TBC1D8B: variants seen among roughly 807,000 people sequenced by gnomAD.
The protein encoded by TBC1D8B is TBC1 domain family member 8B, also known as RP11-321G1.1.
Under a neutral mutation model 82.9 loss-of-function variants are expected in TBC1D8B, and 75 were observed. That is an observed-to-expected ratio of 0.90 (90% CI 0.75 to 1.10). TBC1D8B has a LOEUF of 1.10. Ranked by LOEUF, TBC1D8B falls within the 50% of genes least tolerant of loss-of-function variation. The pLI, the probability that TBC1D8B is intolerant of heterozygous loss-of-function variation, is 0.00. For synonymous variants in TBC1D8B, 276 were observed against 276.8 expected (o/e 1.00, Z 0.03); for missense variants, 794 against 796.9 (o/e 1.00, Z 0.04).
At chrX:106,828,540 C>T (rs1931925775) in intron 7 of TBC1D8B, 1 of 110,410 alleles carries the variant, frequency 9.1e-6, no homozygotes, top group Non-Finnish European at 1.9e-5. Flanking sequence ...CAAAAATCCT[C>T]AATAAAATAC....
intron 11 of TBC1D8B, 21 bp from the exon 12 acceptor site, chrX:106,850,004 A>AAATTTTTTTTTTT: frequency 8.7e-7 from 1 of 1,151,975 alleles, no homozygotes; most frequent in African/African-American, 1.8e-5. Context: ...TTATTTTTAA[A>AAATTTTTTTTTTT]CTTCTTTTGA....
Position 106,826,101 on chromosome X carries a change from A to G in TBC1D8B, c.899A>G (p.Lys300Arg), listed in dbSNP as rs1372389865. 8.3e-7 allele frequency: 1 copy of G among 1,211,041 alleles called. No individual in the cohort carries two copies. Among genetic ancestry groups the G allele is most frequent in the East Asian group, 3.0e-5 (1 of 33,772 alleles). The change falls in exon 6 of 21, where the codon AAA becomes AGA. Residue 300 changes from lysine to arginine, a missense_variant. Physicochemically the swap from Lys to Arg is conservative, Grantham distance 26. Coordinates refer to ENST00000357242, the MANE Select transcript of TBC1D8B (RefSeq NM_017752.3). ...AGGCTGCCCAAAGGAGAGAGTTTGAAAGAAGTACATGAATGTTTCTTATGG... is the reference window on the plus strand; with the variant it reads ...AGGCTGCCCAAAGGAGAGAGTTTGAGAGAAGTACATGAATGTTTCTTATGG... ...FFRLPKGESL[K>R]EVHECFLWVP...
chrX:106,866,659 TTTAA>T (rs1932817036), intron 16 of TBC1D8B, 134 bp from the exon 17 acceptor site: 4 of 403,526 alleles, frequency 9.9e-6, no homozygotes, highest in Non-Finnish European at 1.7e-5. Flanking sequence ...TAGGTGGTTG[TTTAA>T]TTGTTAGCTT....
chrX:106,849,837 G>T, intron 11 of TBC1D8B, 188 bp from the exon 12 acceptor site: 1 of 1,027,286 alleles, frequency 9.7e-7, no homozygotes. Flanking sequence ...AAATGAATTT[G>T]AATTGTGTTT....
chrX:106,854,920 A>G lies in TBC1D8B; in HGVS notation c.2352+624A>G, dbSNP rs188114100. On this transcript the variant is annotated intron_variant, in intron 14 of 20. Coordinates refer to ENST00000357242, the MANE Select transcript of TBC1D8B (RefSeq NM_017752.3). ...GATCTACATAGTAGTCAGTGCTCCA[A>G]TGAATATTATTATCCTTGGATACCT... is the stretch of plus-strand genomic sequence containing the variant. Among the ~76,000 whole-genome samples the G allele has an allele frequency of 9.9e-4, 111 of 112,247 alleles. 2 individuals carry two copies. Among genetic ancestry groups the G allele is most frequent in the African/African-American group, 3.3e-3 (103 of 30,932 alleles).
In TBC1D8B at chrX:106,827,166, C is replaced by A; in HGVS notation, c.1036-4C>A. On this transcript the variant is annotated splice_polypyrimidine_tract_variant and splice_region_variant and intron_variant, in intron 6 of 20. Transcript: ENST00000357242. The stretch of plus-strand genomic sequence containing the variant: ...AATTGACCTCTATGTTTTTCACCCC[C>A]TAGGTCTTAGCTATAGATAAGACAA... The A allele has an allele frequency of 8.3e-7, 1 of 1,208,068 alleles. No homozygotes were observed. The highest frequency in any genetic ancestry group is 1.1e-6 in the Non-Finnish European group (1 of 893,531).
In TBC1D8B at chrX:106,818,859, C is replaced by T. The variant is rs770587816; in HGVS notation, c.241+86C>T. The T allele has an allele frequency of 1.1e-5, 8 of 711,459 alleles. No homozygotes were observed. In the Admixed American group the frequency reaches 2.8e-4, roughly 25 times the overall value. 58.6% of individuals were successfully genotyped at this position (711,459 alleles called of 1,213,427 possible). On this transcript the variant is annotated intron_variant, in intron 2 of 20. Transcript: ENST00000357242. ...CATATTTATTTATAGTCTGTAGTTGCTTTGAGATTTAAAAACAAATTAAAT... is the reference window on the plus strand; with the variant it reads ...CATATTTATTTATAGTCTGTAGTTGTTTTGAGATTTAAAAACAAATTAAAT...
rs1932649117 is a variant in TBC1D8B, at chrX:106,854,179, G to T, written c.2254-19G>T. On this transcript the variant is annotated intron_variant, in intron 13 of 20. Coordinates refer to ENST00000357242, the MANE Select transcript of TBC1D8B (RefSeq NM_017752.3). ...TGTTTATTATGAGTGAGTAGCCACT[G>T]AAATCATATCTCTTGCAGAAATATG... The T allele has an allele frequency of 9.2e-7, 1 of 1,084,027 alleles. No individual in the cohort carries two copies. Among genetic ancestry groups the T allele is most frequent in the East Asian group, 3.2e-5 (1 of 30,981 alleles). 89.3% of individuals were successfully genotyped at this position (1,084,027 alleles called of 1,213,427 possible). A position where few individuals can be genotyped will look rare whatever the true frequency, so the allele number is the denominator to read the frequency against.
At chrX:106,870,588 T>C (rs1013229624) in intron 19 of TBC1D8B, 128 bp from the exon 20 acceptor site, 2 of 441,098 alleles carry the variant, frequency 4.5e-6, no homozygotes, top group South Asian at 3.8e-5. Flanking sequence ...TTTCAGATCA[T>C]TTCCTGGATT....
chrX:106,869,444 G>T, intron 18 of TBC1D8B, 41 bp from the exon 19 acceptor site: 2 of 1,138,422 alleles, frequency 1.8e-6, no homozygotes. Flanking sequence ...AAGAGTATTT[G>T]TTAAACATCT....
intron 3 of TBC1D8B, among the ~76,000 whole-genome samples, chrX:106,821,543 T>G (rs1931691797): frequency 9.0e-6 from 1 of 111,573 alleles, no homozygotes. Flanking sequence ...TATGTACCTG[T>G]ATAGATATAT....
rs748662730 is a variant in TBC1D8B, at chrX:106,833,026, A to G, written c.1203+5689A>G. Among the ~76,000 whole-genome samples, 3 of 111,560 alleles carry G rather than the reference A, an allele frequency of 2.7e-5. No individual in the cohort carries two copies. In the East Asian group the frequency reaches 8.4e-4, roughly 31 times the overall value. The stretch of plus-strand genomic sequence containing the variant: ...TGGACTATGAACAGGATCCTATTTA[A>G]GATAAGCTTCTGATATTTGAGAAAA... On this transcript the variant is annotated intron_variant, in intron 7 of 20. Coordinates refer to ENST00000357242, the MANE Select transcript of TBC1D8B (RefSeq NM_017752.3).
In TBC1D8B at chrX:106,834,895, C is replaced by G. The variant is rs370589653; in HGVS notation, c.1204-4413C>G. On this transcript the variant is annotated intron_variant, in intron 7 of 20. Coordinates refer to ENST00000357242, the MANE Select transcript of TBC1D8B (RefSeq NM_017752.3). ...CTGTAGCTTTGCAGGGTACAGCCCC[C>G]CTCCTGGCTGCTTTCACAGGCTAGC... is the stretch of plus-strand genomic sequence containing the variant. Among the ~76,000 whole-genome samples, 85 of 112,099 alleles carry G rather than the reference C, an allele frequency of 7.6e-4. 1 individual carries two copies. Among genetic ancestry groups the G allele is most frequent in the African/African-American group, 2.6e-3 (80 of 30,896 alleles).
chrX:106,847,835 C>A (rs1352319207), intron 10 of TBC1D8B, among the ~76,000 whole-genome samples: 1 of 111,419 alleles, frequency 9.0e-6, no homozygotes, highest in Non-Finnish European at 1.9e-5. Context: ...AGTTCGTTTT[C>A]TTTCGTTTTA....
chrX:106,847,865 G>A (rs920442892), intron 10 of TBC1D8B, among the ~76,000 whole-genome samples: 1 of 111,693 alleles, frequency 9.0e-6, no homozygotes, highest in Non-Finnish European at 1.9e-5. Context: ...TGAAAATTAT[G>A]TAGGCTTTTT....
chrX:106,867,523 T>C (rs1489557939), intron 17 of TBC1D8B, among the ~76,000 whole-genome samples: 2 of 111,849 alleles, frequency 1.8e-5, no homozygotes, highest in Non-Finnish European at 3.8e-5. Flanking sequence ...TCTTCCGTAC[T>C]ACCTCAAAAT....
intron 14 of TBC1D8B, among the ~76,000 whole-genome samples, chrX:106,857,653 A>G (rs905870693): frequency 6.3e-5 from 7 of 111,964 alleles, no homozygotes; most frequent in African/African-American, 1.9e-4. Flanking sequence ...CTTATAAGTG[A>G]GAACATGCAG....
In TBC1D8B at chrX:106,868,456, T is replaced by G. The variant is rs143650043; in HGVS notation, c.2792T>G (p.Leu931Arg). 3.1e-5 allele frequency: 31 copies of G among 996,680 alleles called. No homozygotes were observed. The African/African-American group carries it at 5.1e-4, about 17-fold the overall frequency. 82.1% of individuals were successfully genotyped at this position (996,680 alleles called of 1,213,427 possible). Residue 931 changes from leucine to arginine, a missense_variant, in exon 18 of 21, where the codon CTT (leucine) becomes CGT (arginine). Physicochemically the swap from Leu to Arg is moderately radical, Grantham distance 102. Transcript: ENST00000357242. ...GATGAACTTTCCAAGGAAGAATTAC[T>G]TTATTTCAGTCAGCTGCATGGTAAA... is the stretch of plus-strand genomic sequence containing the variant. ...KGDELSKEEL[L>R]YFSQLHVSKP...
At chrX:106,870,837 T>C in intron 20 of TBC1D8B, 24 bp downstream of exon 20, 2 of 1,084,603 alleles carry the variant, frequency 1.8e-6, no homozygotes, top group South Asian at 2.1e-5. Context: ...AAAAAGAAAA[T>C]TCTAAGTTCT....
Sources: allele counts gnomAD v4.1 joint callset (sites outside exome capture counted in the v4.1 genomes callset), GRCh38; gene constraint gnomAD v4.1.1; transcripts MANE v1.5; gene names NCBI Gene and HGNC (gene_info 2026-07-23, HGNC 2026-07-21).